PPME1: variants seen among roughly 807,000 people sequenced by gnomAD.
PPME1 encodes testicular secretory protein Li 39.
PPME1 carries 17 observed loss-of-function variants against 56.9 expected under a neutral mutation model. The observed-to-expected ratio is 0.30, with a 90% CI of 0.20 to 0.45. The LOEUF is 0.45. Ranked by LOEUF, PPME1 falls within the 20% of genes least tolerant of loss-of-function variation. The pLI, the probability that PPME1 is intolerant of heterozygous loss-of-function variation, is 1.00. For missense variants in PPME1, 357 were observed against 483.2 expected, an observed-to-expected ratio of 0.74 and a Z score of 2.45; for synonymous variants, 122 against 156.2, an observed-to-expected ratio of 0.78 and a Z score of 1.63.
intron 5 of PPME1, among the ~76,000 whole-genome samples, chr11:74,225,519 G>C (rs1379953899): frequency 6.6e-6 from 1 of 152,128 alleles, no homozygotes; most frequent in East Asian, 1.9e-4. Flanking sequence ...GTTTGTGAAG[G>C]CTTTTGAAAA....
intron 1 of PPME1, among the ~76,000 whole-genome samples, chr11:74,176,786 AGTGGT>A (rs1857411077): frequency 7.5e-6 from 1 of 134,106 alleles, no homozygotes; most frequent in South Asian, 2.3e-4. Flanking sequence ...GATGGAGTGC[AGTGGT>A]GTGATCTTGG....
intron 7 of PPME1, 44 bp downstream of exon 7, chr11:74,231,046 G>A: frequency 2.1e-6 from 3 of 1,460,706 alleles, no homozygotes; most frequent in Non-Finnish European, 2.8e-6. Flanking sequence ...TAATTTGTTT[G>A]TTTGTTTGCT....
intron 1 of PPME1, among the ~76,000 whole-genome samples, chr11:74,192,378 C>T (rs1332403949): frequency 1.3e-5 from 2 of 152,084 alleles, no homozygotes; most frequent in African/African-American, 4.8e-5. Flanking sequence ...ATAAGTACAT[C>T]TCAGGCTGCT....
intron 1 of PPME1, among the ~76,000 whole-genome samples, chr11:74,200,756 A>T (rs1452791362): frequency 6.6e-6 from 1 of 152,000 alleles, no homozygotes; most frequent in Non-Finnish European, 1.5e-5. Flanking sequence ...ACCTTTGGAG[A>T]TGGAGAATTA....
chr11:74,198,849 A>G (rs535454087), intron 1 of PPME1: 2 of 152,314 alleles, frequency 1.3e-5, no homozygotes, highest in Non-Finnish European at 1.5e-5. Context: ...TGTTACGGCC[A>G]TAGACTGGCT....
Position 74,171,479 on chromosome 11 carries a change from C to T in PPME1, c.58C>T (p.Pro20Ser), listed in dbSNP as rs200494233. Residue 20 changes from proline (P) to serine (S), a missense_variant, in exon 1 of 14, where the codon CCC (proline) becomes TCC (serine). Pro to Ser is a moderately conservative substitution (Grantham distance 74, BLOSUM62 -1). This residue lies in a region of PPME1 where 175 missense variants were observed against 189.4 expected (regional missense o/e 0.92). Coordinates refer to ENST00000328257, the MANE Select transcript of PPME1 (RefSeq NM_016147.3). ...LGRLPSRPPL[P>S]GSGGSQSGAK... The stretch of plus-strand genomic sequence containing the variant: ...CCGCCTTCCCTCTCGCCCACCTCTA[C>T]CCGGCAGCGGGGGCAGTCAGAGCGG... The T allele has an allele frequency of 9.5e-5, 153 of 1,613,530 alleles. No individual in the cohort carries two copies. In the African/African-American group the frequency reaches 1.7e-3, roughly 18 times the overall value.
At chr11:74,218,249 T>C (rs1159652279) in intron 3 of PPME1, among the ~76,000 whole-genome samples, 1 of 151,586 alleles carries the variant, frequency 6.6e-6, no homozygotes, top group Non-Finnish European at 1.5e-5. Flanking sequence ...ATGAAAGAAA[T>C]TGAAGAGGAC....
chr11:74,204,340 T>C lies in PPME1; in HGVS notation c.196-13T>C, dbSNP rs745673326. Reference sequence around the variant, plus strand: ...AGCAAAAACATAGATGTTTTATCTTTAACTATTCATACACTTTTCGAGTCT... The same window carrying C: ...AGCAAAAACATAGATGTTTTATCTTCAACTATTCATACACTTTTCGAGTCT... On this transcript the variant is annotated splice_polypyrimidine_tract_variant and intron_variant, in intron 2 of 13. Coordinates refer to ENST00000328257, the MANE Select transcript of PPME1 (RefSeq NM_016147.3). 1.3e-6 allele frequency: 2 copies of C among 1,593,770 alleles called. No individual in the cohort carries two copies. Among genetic ancestry groups the C allele is most frequent in the Admixed American group, 1.7e-5 (1 of 59,356 alleles).
intron 1 of PPME1, among the ~76,000 whole-genome samples, chr11:74,191,720 T>C (rs555443762): frequency 6.6e-6 from 1 of 152,356 alleles, no homozygotes. Flanking sequence ...GCCGCTGCTC[T>C]AGAGGGCACA....
rs192525014 is a variant in PPME1 at position 74,173,688 on chromosome 11, T to C, written c.101+2166T>C. Among the ~76,000 whole-genome samples, 584 of 152,240 alleles carry C rather than the reference T, an allele frequency of 3.8e-3. 3 individuals are homozygous for C. The highest frequency in any genetic ancestry group is 0.034 in the Middle Eastern group (10 of 294). On this transcript the variant is annotated intron_variant, in intron 1 of 13. Transcript: ENST00000328257. ...TCCCAAGTAGCTGGGATTACAGGCATGCACCACCACGCCCGGCTAATTTTT... is the reference window on the plus strand; with the variant it reads ...TCCCAAGTAGCTGGGATTACAGGCACGCACCACCACGCCCGGCTAATTTTT...
intron 2 of PPME1, 42 bp from the exon 3 acceptor site, chr11:74,204,311 A>G (rs1431551025): frequency 1.0e-5 from 15 of 1,488,108 alleles, no homozygotes; most frequent in Non-Finnish European, 1.4e-5. Flanking sequence ...GAAAAACTTT[A>G]GTGAGCAAAA....
In PPME1 at chr11:74,253,743, C is replaced by G; in HGVS notation, c.*233C>G. ...CAGTCCAGGGCTCCCCTGCTCCTTT[C>G]CCTTCCCTGTACTGGGGTAGCTCCT... On this transcript the variant is annotated 3_prime_UTR_variant, in exon 14 of 14. Transcript: ENST00000328257. 1 of 603,450 alleles carries G rather than the reference C, an allele frequency of 1.7e-6. No individual in the cohort carries two copies. The highest frequency in any genetic ancestry group is 2.8e-5 in the East Asian group (1 of 35,982). 37.4% of individuals were successfully genotyped at this position (603,450 alleles called of 1,614,324 possible).
intron 1 of PPME1, among the ~76,000 whole-genome samples, chr11:74,187,502 G>A (rs780608539): frequency 2.6e-5 from 4 of 152,074 alleles, no homozygotes; most frequent in Non-Finnish European, 5.9e-5. Context: ...CAGTGGTATT[G>A]TAAATAGAAT....
intron 2 of PPME1, 139 bp downstream of exon 2, chr11:74,203,960 C>A: frequency 1.7e-6 from 1 of 601,198 alleles, no homozygotes; most frequent in Non-Finnish European, 2.7e-6. Flanking sequence ...TGGAATATTG[C>A]CTGGAAGTCC....
intron 11 of PPME1, 97 bp downstream of exon 11, chr11:74,247,220 A>G (rs1859526059): frequency 2.6e-6 from 3 of 1,156,506 alleles, no homozygotes; most frequent in Admixed American, 4.8e-5. Context: ...CGGAGAAAGC[A>G]TGAGCTTTAG....
At chr11:74,181,500 T>TA (rs2135594165) in intron 1 of PPME1, among the ~76,000 whole-genome samples, 1 of 152,372 alleles carries the variant, frequency 6.6e-6, no homozygotes, top group South Asian at 2.1e-4. Flanking sequence ...TTTTCACTGT[T>TA]ACTGTGTCAG....
intron 1 of PPME1, among the ~76,000 whole-genome samples, chr11:74,174,498 G>A (rs965842141): frequency 9.2e-5 from 14 of 152,128 alleles, no homozygotes; most frequent in South Asian, 2.1e-4. Flanking sequence ...CTCTATCTAT[G>A]TTACTCACAA....
intron 3 of PPME1, among the ~76,000 whole-genome samples, chr11:74,217,794 T>TA (rs762760259): frequency 6.6e-6 from 1 of 151,644 alleles, no homozygotes; most frequent in Non-Finnish European, 1.5e-5. Flanking sequence ...ATAAAAGCCA[T>TA]ATACAATAGA....
At chr11:74,245,270 G>T (rs1388054736) in intron 9 of PPME1, among the ~76,000 whole-genome samples, 1 of 151,402 alleles carries the variant, frequency 6.6e-6, no homozygotes, top group Non-Finnish European at 1.5e-5. Context: ...GATTACTTTG[G>T]GTAGTATGGA....
Sources: allele counts gnomAD v4.1 joint callset (sites outside exome capture counted in the v4.1 genomes callset), GRCh38; gene constraint gnomAD v4.1.1; regional missense constraint gnomAD v4.1.1; transcripts MANE v1.5; gene names NCBI Gene and HGNC (gene_info 2026-07-23, HGNC 2026-07-21).